FGD4: variants seen among roughly 807,000 people sequenced by gnomAD.
The protein encoded by FGD4 is FYVE, RhoGEF and PH domain containing 4, also known as FYVE, RhoGEF and PH domain-containing protein 4.
Under a neutral mutation model 102.0 loss-of-function variants are expected in FGD4, and 42 were observed. That is an observed-to-expected ratio of 0.41 (90% CI 0.32 to 0.53). The LOEUF (loss-of-function observed/expected upper bound fraction) is 0.53. Among genes scored for constraint, FGD4 ranks in the 20% least tolerant of loss-of-function variants. The pLI is 0.21. For missense variants in FGD4, 902 were observed against 1,078.2 expected, an observed-to-expected ratio of 0.84 and a Z score of 2.29; for synonymous variants, 380 against 375.7, an observed-to-expected ratio of 1.01 and a Z score of -0.13.
At chr12:32,596,990 A>G (rs1356879760) in intron 4 of FGD4, among the ~76,000 whole-genome samples, 1 of 152,124 alleles carries the variant, frequency 6.6e-6, no homozygotes, top group Non-Finnish European at 1.5e-5. Flanking sequence ...TTTGTTATAT[A>G]TTTTTCTCAG....
intron 15 of FGD4, among the ~76,000 whole-genome samples, chr12:32,634,465 T>A (rs1950676106): frequency 6.6e-6 from 1 of 152,138 alleles, no homozygotes; most frequent in Admixed American, 6.5e-5. Flanking sequence ...CCAAGTTAAT[T>A]TGACTAATGT....
intron 2 of FGD4, among the ~76,000 whole-genome samples, chr12:32,573,045 C>A (rs1945803303): frequency 6.6e-6 from 1 of 152,138 alleles, no homozygotes; most frequent in Non-Finnish European, 1.5e-5. Context: ...TTGTCATTTC[C>A]TCTGGGTACA....
intron 4 of FGD4, among the ~76,000 whole-genome samples, chr12:32,589,326 A>G (rs981869509): frequency 1.3e-5 from 2 of 152,222 alleles, no homozygotes; most frequent in African/African-American, 4.8e-5. Flanking sequence ...ACTGTAGGAT[A>G]CACAGAGAAG....
At position 32,544,446 on chromosome 12, in the gene FGD4, T is replaced by G. The variant is rs1397548328; in HGVS notation, c.167-19691T>G. Among the ~76,000 whole-genome samples, 1 of 151,460 alleles carries G rather than the reference T, an allele frequency of 6.6e-6. No individual in the cohort carries two copies. The highest frequency in any genetic ancestry group is 1.5e-5 in the Non-Finnish European group (1 of 67,840). ...CTCTCTCAAAACAAAGAAAATTGTTTTTGGCTGGGTGCAGTGGCTCATGCC... is the reference window on the plus strand; with the variant it reads ...CTCTCTCAAAACAAAGAAAATTGTTGTTGGCTGGGTGCAGTGGCTCATGCC... On this transcript the variant is annotated intron_variant, in intron 1 of 16. Transcript: ENST00000534526. This position sits in a 1 kb window ranked among gnomAD's most constrained non-coding sequence, Gnocchi z 4.1.
chr12:32,399,584 G>T lies in FGD4; in HGVS notation c.-210G>T, dbSNP rs979750739. 3.2e-6 allele frequency: 4 copies of T among 1,267,472 alleles called. No homozygotes were observed. Among genetic ancestry groups the T allele is most frequent in the East Asian group, 2.9e-5 (1 of 34,384 alleles). 78.5% of individuals were successfully genotyped at this position (1,267,472 alleles called of 1,614,324 possible). On this transcript the variant is annotated 5_prime_UTR_variant, in exon 1 of 17. Coordinates refer to ENST00000534526, the MANE Select transcript of FGD4 (RefSeq NM_001370298.3). ...CAGATACCGAGACGCTGCGACTGCC[G>T]CAGGAGTCGCCGCAGCCAAACTCGC... is the stretch of plus-strand genomic sequence containing the variant.
rs1339931844 is a variant in FGD4 at position 32,643,617 on chromosome 12, A to G, written c.*3084A>G. 6.6e-6 allele frequency: 1 copy of G among 151,888 alleles called. No individual in the cohort carries two copies. Among genetic ancestry groups the G allele is most frequent in the East Asian group, 1.9e-4 (1 of 5,188 alleles). The allele number at this position is 151,888 out of a possible 1,614,324, so 9.4% of individuals were successfully genotyped here. A position where few individuals can be genotyped will look rare whatever the true frequency, so the allele number is the denominator to read the frequency against. On this transcript the variant is annotated 3_prime_UTR_variant, in exon 17 of 17. Transcript: ENST00000534526. ...AAAAATTATTAAACTTTTTACAGAA[A>G]CTAACCTTTTAAATGTACCCTTTCC...
chr12:32,601,480 C>T, intron 6 of FGD4, 57 bp downstream of exon 6: 1 of 1,552,440 alleles, frequency 6.4e-7, no homozygotes, highest in Non-Finnish European at 8.7e-7. Flanking sequence ...TATTTTTCAG[C>T]TTTTAAATTG....
intron 14 of FGD4, among the ~76,000 whole-genome samples, chr12:32,630,709 G>T (rs373524529): frequency 6.6e-6 from 1 of 152,044 alleles, no homozygotes; most frequent in African/African-American, 2.4e-5. Flanking sequence ...CCAGATACTC[G>T]GGAGGCTGAG....
At chr12:32,509,496 A>G (rs775458608) in intron 1 of FGD4, among the ~76,000 whole-genome samples, 14 of 152,226 alleles carry the variant, frequency 9.2e-5, no homozygotes, top group Non-Finnish European at 1.5e-4. Flanking sequence ...AATCACAGAA[A>G]TACACAAAAT....
chr12:32,411,679 C>CA (rs1423824043), intron 1 of FGD4, among the ~76,000 whole-genome samples: 1 of 151,956 alleles, frequency 6.6e-6, no homozygotes, highest in African/African-American at 2.4e-5. Flanking sequence ...AAAATCAACT[C>CA]AAAAAGGCAT....
At chr12:32,605,504 C>A (rs144138103) in intron 7 of FGD4, among the ~76,000 whole-genome samples, 26 of 152,246 alleles carry the variant, frequency 1.7e-4, no homozygotes, top group African/African-American at 5.1e-4. Context: ...TTCCCACATG[C>A]CTTTAACTTG....
intron 1 of FGD4, chr12:32,511,376 A>G (rs1939350020): frequency 6.6e-6 from 1 of 152,390 alleles, no homozygotes; most frequent in South Asian, 2.1e-4. Flanking sequence ...CAGTGGCGCG[A>G]TCTCGGCTCA....
intron 1 of FGD4, among the ~76,000 whole-genome samples, chr12:32,463,707 G>A (rs1293028472): frequency 1.3e-5 from 2 of 152,340 alleles, no homozygotes; most frequent in East Asian, 3.9e-4. Context: ...GTTGCCCCAA[G>A]AAACTTAGGC....
chr12:32,619,725 C>A lies in FGD4; in HGVS notation c.1777C>A (p.Pro593Thr), dbSNP rs138160928. Residue 593 changes from proline to threonine, a missense_variant, in exon 11 of 17, where the codon CCC becomes ACC. Around this residue, in one of 2 missense-constraint regions of FGD4, gnomAD observed 459 missense variants for 619.0 expected, o/e 0.74. Transcript: ENST00000534526. ...CAACAACATGTTGCTGTACTGTGTG[C>A]CCAAATTCAGCTTGGTAGGCTCTAA... The part of the protein sequence containing the change: ...LFNNMLLYCV[P>T]KFSLVGSKFT... The A allele has an allele frequency of 2.0e-3, 3,230 of 1,613,932 alleles. 8 individuals carry two copies. The highest frequency in any genetic ancestry group is 2.5e-3 in the Non-Finnish European group (3,000 of 1,180,028).
At chr12:32,607,464 A>G (rs995252425) in intron 7 of FGD4, among the ~76,000 whole-genome samples, 11 of 152,284 alleles carry the variant, frequency 7.2e-5, no homozygotes, top group African/African-American at 2.6e-4. Flanking sequence ...CTCCTTCCCC[A>G]AAGATTGTGA....
At position 32,619,816 on chromosome 12, in the gene FGD4, A is replaced by G; in HGVS notation, c.1868A>G (p.Tyr623Cys). ...MKIVETQNEEYPHTFQVSGKE... is the reference protein window; with the variant it reads ...MKIVETQNEECPHTFQVSGKE... Reference sequence around the variant, plus strand: ...ATTGTAGAGACTCAAAATGAAGAATATCCACATACTTTCCAGGTGTCTGGG... The same window carrying G: ...ATTGTAGAGACTCAAAATGAAGAATGTCCACATACTTTCCAGGTGTCTGGG... Residue 623 changes from tyrosine to cysteine, a missense_variant, in exon 11 of 17, where the codon TAT (tyrosine) becomes TGT (cysteine). By Grantham distance (194) the Tyr-to-Cys change is radical. This residue lies in a region of FGD4 where 459 missense variants were observed against 619.0 expected (regional missense o/e 0.74). Coordinates refer to ENST00000534526, the MANE Select transcript of FGD4 (RefSeq NM_001370298.3). 2 of 1,614,198 alleles carry G rather than the reference A, an allele frequency of 1.2e-6. No homozygotes were observed. Among genetic ancestry groups the G allele is most frequent in the East Asian group, 4.5e-5 (2 of 44,880 alleles).
chr12:32,419,751 T>C (rs1941558822), intron 1 of FGD4, among the ~76,000 whole-genome samples: 1 of 152,202 alleles, frequency 6.6e-6, no homozygotes, highest in African/African-American at 2.4e-5. Flanking sequence ...CTGACTGCTA[T>C]GGTGGGTGAT....
At chr12:32,453,250 T>TA (rs1565749357) in intron 1 of FGD4, among the ~76,000 whole-genome samples, 28 of 132,026 alleles carry the variant, frequency 2.1e-4, no homozygotes, top group Admixed American at 1.0e-3. Context: ...TTTTTTTTTT[T>TA]AAATGTAGAG....
intron 4 of FGD4, among the ~76,000 whole-genome samples, chr12:32,584,370 T>C (rs1946841209): frequency 6.6e-6 from 1 of 152,170 alleles, no homozygotes; most frequent in African/African-American, 2.4e-5. Context: ...AGATGGTAAA[T>C]CTTATTAGGT....
Sources: gnomAD v4.1 joint callset for allele counts (sites outside exome capture counted in the v4.1 genomes callset) on GRCh38, gnomAD v4.1.1 for gene constraint, gnomAD v4.1.1 regional missense constraint, Gnocchi (gnomAD v3.1) non-coding constraint, MANE v1.5 for transcripts, NCBI Gene and HGNC (gene_info 2026-07-23, HGNC 2026-07-21) for gene names.